Variants in LETM2 observed in about 807,000 individuals in gnomAD.
LETM2 encodes LETM1 domain-containing protein LETM2, mitochondrial.
Under a neutral mutation model 59.6 loss-of-function variants are expected in LETM2, and 58 were observed. The observed-to-expected ratio is 0.97, with a 90% CI of 0.79 to 1.21. The LOEUF is 1.21. Among genes scored for constraint, LETM2 ranks in the 50% most tolerant of loss-of-function variants. LETM2 has a pLI of 0.00. For missense variants in LETM2, 572 were observed against 575.7 expected, an observed-to-expected ratio of 0.99 and a Z score of 0.07; for synonymous variants, 199 against 214.1, an observed-to-expected ratio of 0.93 and a Z score of 0.62.
chr8:38,393,929 A>C (rs1812490710), intron 3 of LETM2, 169 bp from the exon 4 acceptor site: 1 of 474,160 alleles, frequency 2.1e-6, no homozygotes, highest in African/African-American at 2.0e-5. Flanking sequence ...CTGAGGTGGA[A>C]GGATTGCGTG....
At position 38,402,551 on chromosome 8, in the gene LETM2, A is replaced by C; in HGVS notation, c.1011A>C (p.Ala337=). 1 of 1,613,948 alleles carries C rather than the reference A, an allele frequency of 6.2e-7. No individual in the cohort carries two copies. Among genetic ancestry groups the C allele is most frequent in the Non-Finnish European group, 8.5e-7 (1 of 1,179,806 alleles). Residue 337 remains alanine, a synonymous_variant, in exon 7 of 11, where the codon GCA becomes GCC. Transcript: ENST00000379957. ...TAATTGCCAAGGAAGGGGTGACAGC[A>C]TTGAGTGTATCAGAACTACAGGCTG... ...DEIIAKEGVT[A]LSVSELQAAC... is the part of the protein sequence containing the mutation.
rs753662493 is a variant in LETM2, at chr8:38,407,419, C to A, written c.1369C>A (p.Pro457Thr). ...VTSSPITPSTPISLPKGPITS... is the reference protein window; with the variant it reads ...VTSSPITPSTTISLPKGPITS... ...ATCATCACCCATAACACCATCAACA[C>A]CTATTTCATTACCTAAAGGACCCAT... The change falls in exon 10 of 11, where the codon CCT becomes ACT. Residue 457 changes from proline to threonine, a missense_variant. Transcript: ENST00000379957. The A allele has an allele frequency of 6.2e-7, 1 of 1,613,402 alleles. No homozygotes were observed. The highest frequency in any genetic ancestry group is 8.5e-7 in the Non-Finnish European group (1 of 1,179,454).
intron 1 of LETM2, among the ~76,000 whole-genome samples, chr8:38,387,460 G>A (rs146829979): frequency 3.4e-4 from 52 of 152,254 alleles, no homozygotes; most frequent in African/African-American, 1.1e-3. Flanking sequence ...GCGATTAGTA[G>A]GTTGCATGTC....
At chr8:38,394,274 A>G in intron 4 of LETM2, 33 bp downstream of exon 4, 1 of 1,334,960 alleles carries the variant, frequency 7.5e-7, no homozygotes, top group Non-Finnish European at 9.9e-7. Flanking sequence ...AAATTTAATA[A>G]ACCTTATTAG....
At chr8:38,388,675 G>A (rs562215238) in intron 2 of LETM2, among the ~76,000 whole-genome samples, 46 of 150,098 alleles carry the variant, frequency 3.1e-4, no homozygotes, top group Non-Finnish European at 6.1e-4. Context: ...GGCCAAGACT[G>A]GGCCACTGCA....
In LETM2 at chr8:38,400,996, C is replaced by G; in HGVS notation, c.927C>G (p.Asn309Lys). Residue 309 changes from asparagine (N) to lysine (K), a missense_variant, in exon 6 of 11, where the codon AAC (asparagine) becomes AAG (lysine). Asn to Lys is a moderately conservative substitution (Grantham distance 94). Coordinates refer to ENST00000379957, the MANE Select transcript of LETM2 (RefSeq NM_001286819.2). Reference sequence around the variant, plus strand: ...TGGAATTGCAGACATTTGGAACCAACAACCTGCTCCGCTTTCAGCTCCTGA... The same window carrying G: ...TGGAATTGCAGACATTTGGAACCAAGAACCTGCTCCGCTTTCAGCTCCTGA... Reference protein sequence around the residue: ...KLLELQTFGTNNLLRFQLLMK... With the variant: ...KLLELQTFGTKNLLRFQLLMK... The G allele has an allele frequency of 6.2e-7, 1 of 1,614,178 alleles. No individual in the cohort carries two copies. Among genetic ancestry groups the G allele is most frequent in the Non-Finnish European group, 8.5e-7 (1 of 1,180,012 alleles).
At chr8:38,397,321 C>T (rs958042923) in intron 4 of LETM2, among the ~76,000 whole-genome samples, 1 of 152,140 alleles carries the variant, frequency 6.6e-6, no homozygotes, top group African/African-American at 2.4e-5. Context: ...AGATTACAGG[C>T]GCCTGCCACC....
intron 7 of LETM2, among the ~76,000 whole-genome samples, chr8:38,403,133 A>G (rs1813382905): frequency 6.6e-6 from 1 of 152,118 alleles, no homozygotes; most frequent in African/African-American, 2.4e-5. Flanking sequence ...GAGCTTCCTC[A>G]TGCTTGAAAT....
chr8:38,384,897 G>T (rs1403747961), upstream of LETM2, among the ~76,000 whole-genome samples: 2 of 152,306 alleles, frequency 1.3e-5, no homozygotes, highest in South Asian at 4.1e-4. Context: ...GTCTCCCAGG[G>T]AACTGAAAAT....
At chr8:38,383,964 A>T (rs189032108), upstream of LETM2, among the ~76,000 whole-genome samples, 65 of 152,112 alleles carry the variant, frequency 4.3e-4, no homozygotes, top group East Asian at 9.8e-3. Context: ...ACTATTAATC[A>T]TTAAATATTT....
chr8:38,403,235 TCAAC>T (rs1813392196), intron 7 of LETM2, among the ~76,000 whole-genome samples: 1 of 152,204 alleles, frequency 6.6e-6, no homozygotes, highest in African/African-American at 2.4e-5. Flanking sequence ...TATCTTAAGG[TCAAC>T]CGACTTGGGA....
chr8:38,407,097 C>T (rs541439823), intron 9 of LETM2, 59 bp downstream of exon 9: 1 of 1,009,010 alleles, frequency 9.9e-7, no homozygotes, highest in Non-Finnish European at 1.6e-6. Context: ...AGCAATGGGT[C>T]ATTTTCTCCT....
rs1239624720 is a variant in LETM2 at position 38,388,026 on chromosome 8, ACAAGGTAAGCATTGGAGTTACCCCC to A, written c.47_47+24del. 1.3e-6 allele frequency: 2 copies of A among 1,528,982 alleles called. No homozygotes were observed. Among genetic ancestry groups the A allele is most frequent in the Non-Finnish European group, 1.8e-6 (2 of 1,140,990 alleles). 94.7% of individuals were successfully genotyped at this position (1,528,982 alleles called of 1,614,324 possible). On this transcript the variant is annotated splice_donor_variant and splice_donor_5th_base_variant and coding_sequence_variant and intron_variant, in exon 2 of 11. Coordinates refer to ENST00000379957, the MANE Select transcript of LETM2 (RefSeq NM_001286819.2). LOFTEE classifies it high-confidence loss of function. ...TAATTCAGTTCTGGCTATTGCTCGA[ACAAGGTAAGCATTGGAGTTACCCCC>A]CAATATGAACGTAATTCTTCTTCTT...
Position 38,406,872 on chromosome 8 carries a change from T to TTG in LETM2, c.1219-73_1219-72dup, listed in dbSNP as rs1491336190. On this transcript the variant is annotated intron_variant, in intron 8 of 10. Transcript: ENST00000379957. ...AAAGCAAATAGTGCTAAAAAAGGCATTGACTACTGTAAAAGTTTCTGGGTT... is the reference window on the plus strand; with the variant it reads ...AAAGCAAATAGTGCTAAAAAAGGCATTGTGACTACTGTAAAAGTTTCTGGGTT... The TTG allele has an allele frequency of 7.6e-6, 7 of 918,610 alleles. No individual in the cohort carries two copies. In the African/African-American group the frequency reaches 9.9e-5, roughly 13 times the overall value. 56.9% of individuals were successfully genotyped at this position (918,610 alleles called of 1,614,324 possible).
chr8:38,406,936 A>T lies in LETM2; in HGVS notation c.1219-10A>T, dbSNP rs2150458271. The T allele has an allele frequency of 6.3e-7, 1 of 1,575,282 alleles. No homozygotes were observed. The highest frequency in any genetic ancestry group is 1.1e-5 in the South Asian group (1 of 90,072). On this transcript the variant is annotated splice_polypyrimidine_tract_variant and intron_variant, in intron 8 of 10. Transcript: ENST00000379957. ...AAAGCTTATGATACATAAAATGTTT[A>T]TCTCCCCAGGCTCCAAAGACTGATA... is the stretch of plus-strand genomic sequence containing the variant.
intron 4 of LETM2, among the ~76,000 whole-genome samples, chr8:38,397,559 C>T (rs1432602451): frequency 6.6e-6 from 1 of 152,100 alleles, no homozygotes; most frequent in Non-Finnish European, 1.5e-5. Flanking sequence ...TAGGCAGTTC[C>T]AGGGCATCAA....
chr8:38,397,900 G>A (rs1015707644), intron 4 of LETM2, among the ~76,000 whole-genome samples: 4 of 152,180 alleles, frequency 2.6e-5, no homozygotes, highest in African/African-American at 9.7e-5. Flanking sequence ...AGCACTTTGG[G>A]AGGCCGAGGT....
chr8:38,401,152 TTG>T, intron 6 of LETM2, 99 bp downstream of exon 6: 1 of 1,033,208 alleles, frequency 9.7e-7, no homozygotes, highest in African/African-American at 1.6e-5. Flanking sequence ...GTTTTTGTTT[TTG>T]TTTTTGAGAC....
intron 2 of LETM2, 58 bp from the exon 3 acceptor site, chr8:38,392,484 T>C (rs1812371736): frequency 1.0e-6 from 1 of 982,542 alleles, no homozygotes; most frequent in South Asian, 1.4e-5. Context: ...TGCTTTATGA[T>C]AGTGTGTGCT....
Sources: gnomAD v4.1 joint callset for allele counts (sites outside exome capture counted in the v4.1 genomes callset) on GRCh38, gnomAD v4.1.1 for gene constraint, MANE v1.5 for transcripts, NCBI Gene and HGNC (gene_info 2026-07-23, HGNC 2026-07-21) for gene names.